Variants in CCSER1 observed in about 807,000 individuals in gnomAD.
CCSER1 encodes the protein coiled-coil serine rich protein 1, also known as serine-rich coiled-coil domain-containing protein 1.
In CCSER1, 41 loss-of-function variants were observed where a neutral mutation model predicts 82.0. The observed-to-expected ratio is 0.50, with a 90% CI of 0.39 to 0.65. The LOEUF is 0.65. Among genes scored for constraint, CCSER1 ranks in the 30% least tolerant of loss-of-function variants. The probability of loss-of-function intolerance (pLI) is 0.00; values close to 1 mark genes in which losing one functional copy is unlikely to be tolerated. For synonymous variants in CCSER1, 414 were observed against 383.9 expected, an observed-to-expected ratio of 1.08 and a Z score of -0.92; for missense variants, 1,119 against 1,064.2, an observed-to-expected ratio of 1.05 and a Z score of -0.72.
chr4:90,790,490 A>G (rs1439137225), intron 7 of CCSER1, among the ~76,000 whole-genome samples: 5 of 152,162 alleles, frequency 3.3e-5, no homozygotes, highest in African/African-American at 9.7e-5. Flanking sequence ...TGCTTAGAAA[A>G]TACTTGGCTT....
At chr4:90,638,998 T>G (rs1725979893) in intron 6 of CCSER1, among the ~76,000 whole-genome samples, 1 of 152,122 alleles carries the variant, frequency 6.6e-6, no homozygotes, top group Non-Finnish European at 1.5e-5. Flanking sequence ...CATAGGATTA[T>G]TTGGACAATT....
At chr4:90,860,663 G>T (rs1469062432) in intron 8 of CCSER1, among the ~76,000 whole-genome samples, 2 of 151,552 alleles carry the variant, frequency 1.3e-5, no homozygotes, top group Non-Finnish European at 3.0e-5. Context: ...TAAAAATATG[G>T]TATATTCATA....
At chr4:90,323,252 G>C (rs1239951083) in intron 3 of CCSER1, among the ~76,000 whole-genome samples, 1 of 152,134 alleles carries the variant, frequency 6.6e-6, no homozygotes, top group Admixed American at 6.5e-5. Context: ...GCTGCCACAG[G>C]TGTTGTCTCA....
At chr4:91,434,889 TTATGAGTCTA>T (rs1754553497) in intron 10 of CCSER1, among the ~76,000 whole-genome samples, 1 of 152,198 alleles carries the variant, frequency 6.6e-6, no homozygotes, top group African/African-American at 2.4e-5. Flanking sequence ...TCAGATAGTT[TTATGAGTCTA>T]TATTCTTTAC....
intron 3 of CCSER1, among the ~76,000 whole-genome samples, chr4:90,343,300 C>A (rs1000681832): frequency 6.6e-6 from 1 of 152,098 alleles, no homozygotes; most frequent in African/African-American, 2.4e-5. Flanking sequence ...ACTGTCATTA[C>A]CTAAATTCAG....
intron 10 of CCSER1, among the ~76,000 whole-genome samples, chr4:91,225,155 G>GAT (rs1377154781): frequency 1.1e-3 from 115 of 101,618 alleles, no homozygotes; most frequent in East Asian, 3.9e-3. Context: ...CAAGAAATAT[G>GAT]ATATATATAT....
rs1734910110 is a variant in CCSER1, at chr4:90,309,474, A to T, written c.1190A>T (p.Tyr397Phe). The part of the protein sequence containing the change: ...GTNSPRKLGF[Y>F]EQHKAIAEHV... ...AACTCCCCAAGGAAACTTGGATTTT[A>T]TGAGCAACATAAAGCAATAGCGGAA... The change falls in exon 2 of 11, where the codon TAT becomes TTT. Residue 397 changes from tyrosine (Y) to phenylalanine (F), a missense_variant. Physicochemically the swap from Tyr to Phe is conservative, Grantham distance 22. Coordinates refer to ENST00000509176, the MANE Select transcript of CCSER1 (RefSeq NM_001145065.2). The T allele has an allele frequency of 6.2e-7, 1 of 1,613,904 alleles. No homozygotes were observed. Among genetic ancestry groups the T allele is most frequent in the African/African-American group, 1.3e-5 (1 of 75,064 alleles).
At chr4:90,451,841 G>A (rs1761500777) in intron 4 of CCSER1, among the ~76,000 whole-genome samples, 1 of 152,088 alleles carries the variant, frequency 6.6e-6, no homozygotes, top group African/African-American at 2.4e-5. Flanking sequence ...CCTTTACAGT[G>A]TATTACTACC....
intron 10 of CCSER1, among the ~76,000 whole-genome samples, chr4:91,297,375 G>A (rs10011254): frequency 0.028 from 2,991 of 106,680 alleles, 32 homozygotes; most frequent in South Asian, 0.044. Flanking sequence ...TTGTGTGTGT[G>A]TGTGTGTGTA....
chr4:90,491,946 G>A (rs151294960), intron 5 of CCSER1, among the ~76,000 whole-genome samples: 2,212 of 152,192 alleles, frequency 0.015, 31 homozygotes, highest in African/African-American at 0.043. Context: ...TTTTTGCATC[G>A]ATGTTCATTA....
At chr4:91,088,905 TAA>T (rs1723656842) in intron 10 of CCSER1, among the ~76,000 whole-genome samples, 1 of 152,186 alleles carries the variant, frequency 6.6e-6, no homozygotes, top group Non-Finnish European at 1.5e-5. Flanking sequence ...TAATTTTTCT[TAA>T]AAGACTTTAA....
chr4:90,318,997 C>T (rs1361820444), intron 3 of CCSER1, among the ~76,000 whole-genome samples: 2 of 152,120 alleles, frequency 1.3e-5, no homozygotes, highest in East Asian at 3.9e-4. Flanking sequence ...GGATTGTGAG[C>T]ATCGAAATCC....
At chr4:90,588,032 T>A (rs1422977075) in intron 5 of CCSER1, among the ~76,000 whole-genome samples, 1 of 152,206 alleles carries the variant, frequency 6.6e-6, no homozygotes, top group Non-Finnish European at 1.5e-5. Flanking sequence ...GTCCATACTT[T>A]AATTAAATAT....
chr4:91,505,799 T>A (rs770195887), intron 10 of CCSER1, among the ~76,000 whole-genome samples: 3 of 152,146 alleles, frequency 2.0e-5, no homozygotes, highest in Admixed American at 6.5e-5. Context: ...ATTTGTTTTG[T>A]TTCTTGTAAA....
At chr4:90,398,117 C>T (rs1752296331) in intron 3 of CCSER1, among the ~76,000 whole-genome samples, 1 of 152,162 alleles carries the variant, frequency 6.6e-6, no homozygotes, top group African/African-American at 2.4e-5. Context: ...TCTTCCCTCC[C>T]TCTGTGAATT....
chr4:90,750,656 A>G (rs1748466195), intron 7 of CCSER1, among the ~76,000 whole-genome samples: 2 of 152,166 alleles, frequency 1.3e-5, no homozygotes, highest in South Asian at 2.1e-4. Context: ...GATATTTAGT[A>G]TTAATGTTCA....
At chr4:91,128,943 T>C (rs1161612336) in intron 10 of CCSER1, among the ~76,000 whole-genome samples, 1 of 151,996 alleles carries the variant, frequency 6.6e-6, no homozygotes, top group Non-Finnish European at 1.5e-5. Flanking sequence ...GAAAGAAAAA[T>C]TAGGACATCC....
At position 90,460,334 on chromosome 4, in the gene CCSER1, A is replaced by AAAAAAAAAAAAAAAAAC. The variant is rs1560551637; in HGVS notation, c.1604-7889_1604-7888insAAAAACAAAAAAAAAAA. On this transcript the variant is annotated intron_variant, in intron 4 of 10. Coordinates refer to ENST00000509176, the MANE Select transcript of CCSER1 (RefSeq NM_001145065.2). ...AGCGAAACTCCGTCTCAAAAAAAAA[A>AAAAAAAAAAAAAAAAAC]AAAAAAAAAAACTAAGGCAAGAAAA... 2.0e-5 allele frequency among the ~76,000 whole-genome samples: 3 copies of AAAAAAAAAAAAAAAAAC among 147,168 alleles called. No individual in the cohort carries two copies. In the East Asian group the frequency reaches 6.0e-4, roughly 29 times the overall value.
At chr4:91,376,821 A>C (rs12646315) in intron 10 of CCSER1, among the ~76,000 whole-genome samples, 35,112 of 151,802 alleles carry the variant, frequency 0.23, 4,529 homozygotes, top group East Asian at 0.52. Flanking sequence ...GGTTTGTTAC[A>C]TATGTATACA....
Sources: gnomAD v4.1 joint callset for allele counts (sites outside exome capture counted in the v4.1 genomes callset) on GRCh38, gnomAD v4.1.1 for gene constraint, MANE v1.5 for transcripts, NCBI Gene and HGNC (gene_info 2026-07-23, HGNC 2026-07-21) for gene names.